PLD5: variants seen among roughly 807,000 people sequenced by gnomAD.
PLD5 encodes the protein phospholipase D family member 5.
A neutral mutation model predicts 61.1 loss-of-function variants in PLD5; 36 were observed. That is an observed-to-expected ratio of 0.59 (90% confidence interval 0.45 to 0.78). The LOEUF (loss-of-function observed/expected upper bound fraction) is 0.78. Ranked by LOEUF, PLD5 falls within the 30% of genes least tolerant of loss-of-function variation. The pLI is 0.00. For synonymous variants in PLD5, 243 were observed against 242.8 expected, an observed-to-expected ratio of 1.00 and a Z score of -0.01; for missense variants, 515 against 644.4, an observed-to-expected ratio of 0.80 and a Z score of 2.17.
chr1:242,488,692 A>C (rs1365982274), intron 1 of PLD5, among the ~76,000 whole-genome samples: 1 of 152,194 alleles, frequency 6.6e-6, no homozygotes, highest in African/African-American at 2.4e-5. Context: ...AACCCATGAA[A>C]TGTACAACAC....
intron 1 of PLD5, among the ~76,000 whole-genome samples, chr1:242,502,582 G>A (rs533440341): frequency 2.0e-5 from 3 of 152,080 alleles, no homozygotes; most frequent in South Asian, 2.1e-4. Flanking sequence ...TTTAACAAAA[G>A]TCTCAGGGAA....
At chr1:242,260,271 C>T (rs779265387) in intron 4 of PLD5, among the ~76,000 whole-genome samples, 10 of 151,174 alleles carry the variant, frequency 6.6e-5, no homozygotes, top group African/African-American at 1.2e-4. Flanking sequence ...CACTTGAATC[C>T]GGGAGGCAGA....
chr1:242,310,226 G>A (rs1253893482), intron 2 of PLD5, among the ~76,000 whole-genome samples: 1 of 152,078 alleles, frequency 6.6e-6, no homozygotes, highest in Non-Finnish European at 1.5e-5. Flanking sequence ...AAACACACAC[G>A]CTGAGAGCAG....
rs554966095 is a variant in PLD5 at position 242,348,861 on chromosome 1, T to C, written c.190-619A>G. 8.5e-5 allele frequency among the ~76,000 whole-genome samples: 13 copies of C among 152,288 alleles called. No individual in the cohort carries two copies. The South Asian group carries it at 1.9e-3, about 22-fold the overall frequency. Reference sequence around the variant, plus strand: ...TGAGGTCAGGAGATCAAGACCGTCCTGGCTAACACGGTGAAACCCTGTCTC... The same window carrying C: ...TGAGGTCAGGAGATCAAGACCGTCCCGGCTAACACGGTGAAACCCTGTCTC... On this transcript the variant is annotated intron_variant, in intron 1 of 9. Transcript: ENST00000536534.
intron 2 of PLD5, among the ~76,000 whole-genome samples, chr1:242,322,864 C>G (rs2149189975): frequency 6.6e-6 from 1 of 152,206 alleles, no homozygotes. Flanking sequence ...TCAGGTAGTT[C>G]TTTATAGCAG....
In PLD5 at chr1:242,218,796, T is replaced by C. The variant is rs1439480674; in HGVS notation, c.735+1192A>G. Among the ~76,000 whole-genome samples the C allele has an allele frequency of 3.3e-5, 5 of 152,324 alleles. No individual in the cohort carries two copies. In the South Asian group the frequency reaches 6.2e-4, roughly 19 times the overall value. Reference sequence around the variant, plus strand: ...CTTTGCCACTTCCTGAAAAGTGTCCTTGGGTAAGTTACTTACCTATGTCTC... The same window carrying C: ...CTTTGCCACTTCCTGAAAAGTGTCCCTGGGTAAGTTACTTACCTATGTCTC... On this transcript the variant is annotated intron_variant, in intron 5 of 9. Coordinates refer to ENST00000536534, the MANE Select transcript of PLD5 (RefSeq NM_001372062.1).
chr1:242,468,657 A>T (rs1256228442), intron 1 of PLD5, among the ~76,000 whole-genome samples: 1 of 151,952 alleles, frequency 6.6e-6, no homozygotes, highest in Admixed American at 6.6e-5. Context: ...CTGGGTCAAT[A>T]TCAGCATATG....
intron 1 of PLD5, among the ~76,000 whole-genome samples, chr1:242,480,899 T>C (rs899885810): frequency 2.6e-5 from 4 of 152,214 alleles, no homozygotes; most frequent in Non-Finnish European, 5.9e-5. Context: ...CCATTAATAC[T>C]GGGGAGTGTA....
At chr1:242,090,213 C>G in intron 9 of PLD5, 103 bp from the exon 10 acceptor site, 1 of 1,438,668 alleles carries the variant, frequency 7.0e-7, no homozygotes, top group Non-Finnish European at 9.4e-7. Flanking sequence ...CATCAACATC[C>G]AGGAATAACA....
chr1:242,334,191 C>T (rs193058511), intron 2 of PLD5, among the ~76,000 whole-genome samples: 2 of 152,132 alleles, frequency 1.3e-5, no homozygotes, highest in East Asian at 1.9e-4. Flanking sequence ...ACCTGGGATA[C>T]AGTATTGTAT....
intron 1 of PLD5, among the ~76,000 whole-genome samples, chr1:242,407,290 T>A (rs1382614218): frequency 6.6e-6 from 1 of 152,100 alleles, no homozygotes; most frequent in African/African-American, 2.4e-5. Context: ...TGTGAGTCCA[T>A]TAAACCTCTT....
chr1:242,395,370 G>A (rs1663512033), intron 1 of PLD5, among the ~76,000 whole-genome samples: 1 of 152,008 alleles, frequency 6.6e-6, no homozygotes, highest in Non-Finnish European at 1.5e-5. Context: ...CTTCTTGCCT[G>A]AGTACCTGCT....
chr1:242,424,961 G>A (rs1004806487), intron 1 of PLD5, among the ~76,000 whole-genome samples: 11 of 152,194 alleles, frequency 7.2e-5, no homozygotes, highest in Admixed American at 2.6e-4. Context: ...GTGAAACCTC[G>A]TCTGTACTAA....
chr1:242,167,376 CAA>C (rs1254173935), intron 5 of PLD5, among the ~76,000 whole-genome samples: 2 of 152,084 alleles, frequency 1.3e-5, no homozygotes, highest in Non-Finnish European at 2.9e-5. Flanking sequence ...TGGCAGCAGC[CAA>C]GAGAGAGCAT....
rs556677657 is a variant in PLD5 at position 242,510,388 on chromosome 1, C to T, written c.189+13700G>A. 2.2e-3 allele frequency among the ~76,000 whole-genome samples: 342 copies of T among 152,290 alleles called. 1 individual carries two copies. The highest frequency in any genetic ancestry group is 7.1e-3 in the African/African-American group (297 of 41,554). On this transcript the variant is annotated intron_variant, in intron 1 of 9. Coordinates refer to ENST00000536534, the MANE Select transcript of PLD5 (RefSeq NM_001372062.1). ...TGTACAAAGAAAGTGTCTGTACACACATGCATGCACACACATACACACACA... is the reference window on the plus strand; with the variant it reads ...TGTACAAAGAAAGTGTCTGTACACATATGCATGCACACACATACACACACA...
At chr1:242,294,492 T>C (rs1276567846) in intron 2 of PLD5, among the ~76,000 whole-genome samples, 1 of 152,208 alleles carries the variant, frequency 6.6e-6, no homozygotes, top group Non-Finnish European at 1.5e-5. Flanking sequence ...TGTGTGTGTA[T>C]GTGTTTTGGT....
In PLD5 at chr1:242,089,424, T is replaced by C; in HGVS notation, c.*430A>G. On this transcript the variant is annotated 3_prime_UTR_variant, in exon 10 of 10. Transcript: ENST00000536534. The stretch of plus-strand genomic sequence containing the variant: ...GGAGACGATTTACAAGAATAAACAC[T>C]TGGTTTTATCAGTCTCTTCTCCAAG... 2 of 417,952 alleles carry C rather than the reference T, an allele frequency of 4.8e-6. No homozygotes were observed. Among genetic ancestry groups the C allele is most frequent in the Admixed American group, 3.9e-5 (1 of 25,372 alleles). The allele number at this position is 417,952 out of a possible 1,614,324, so 25.9% of individuals were successfully genotyped here. A position where few individuals can be genotyped will look rare whatever the true frequency, so the allele number is the denominator to read the frequency against.
At chr1:242,435,913 A>C (rs770206206) in intron 1 of PLD5, among the ~76,000 whole-genome samples, 3 of 152,232 alleles carry the variant, frequency 2.0e-5, no homozygotes, top group Non-Finnish European at 2.9e-5. Flanking sequence ...CCAGAAAGGT[A>C]AGCCTCTGAC....
At chr1:242,334,910 C>A (rs1659411425) in intron 2 of PLD5, among the ~76,000 whole-genome samples, 1 of 152,154 alleles carries the variant, frequency 6.6e-6, no homozygotes, top group Admixed American at 6.5e-5. Flanking sequence ...CAATTTACTT[C>A]CTCTAGAAGC....
Sources: gnomAD v4.1 joint callset for allele counts (sites outside exome capture counted in the v4.1 genomes callset) on GRCh38, gnomAD v4.1.1 for gene constraint, MANE v1.5 for transcripts, NCBI Gene and HGNC (gene_info 2026-07-23, HGNC 2026-07-21) for gene names.